The following DYM variants were observed in gnomAD, a reference collection of about 807,000 sequenced individuals.
DYM encodes dyggve-Melchior-Clausen syndrome protein.
A neutral mutation model predicts 93.1 loss-of-function variants in DYM; 78 were observed. The ratio of observed to expected loss-of-function variants is 0.84; its 90% confidence interval spans 0.70 to 1.01. DYM has a LOEUF of 1.01. Ranked by LOEUF, DYM falls within the 50% of genes least tolerant of loss-of-function variation. The pLI, the probability that DYM is intolerant of heterozygous loss-of-function variation, is 0.00. For missense variants in DYM, 789 were observed against 845.0 expected (o/e 0.93, Z 0.82); for synonymous variants, 321 against 319.7 (o/e 1.00, Z -0.04).
At chr18:49,050,206 C>T (rs1387179050) in intron 17 of DYM, among the ~76,000 whole-genome samples, 1 of 151,676 alleles carries the variant, frequency 6.6e-6, no homozygotes, top group African/African-American at 2.4e-5. Context: ...CCTGCCTCGG[C>T]CTCCCTAGTA....
intron 14 of DYM, among the ~76,000 whole-genome samples, chr18:49,192,545 A>G (rs1183510329): frequency 6.6e-6 from 1 of 152,118 alleles, no homozygotes; most frequent in South Asian, 2.1e-4. Context: ...TTCCTACTGT[A>G]TATTCTTGAT....
At chr18:49,368,105 A>G (rs971830471) in intron 5 of DYM, among the ~76,000 whole-genome samples, 4 of 152,222 alleles carry the variant, frequency 2.6e-5, no homozygotes, top group Admixed American at 6.5e-5. Context: ...AGTGCACTAC[A>G]GTATTTATAA....
chr18:49,380,542 C>G (rs749972954), intron 3 of DYM, among the ~76,000 whole-genome samples: 2 of 152,230 alleles, frequency 1.3e-5, no homozygotes, highest in Admixed American at 1.3e-4. Flanking sequence ...CGATCCTCAC[C>G]TGGAGGTTGT....
chr18:49,224,763 G>A lies in DYM; in HGVS notation c.1461-15048C>T, dbSNP rs550228670. On this transcript the variant is annotated intron_variant, in intron 13 of 17. Coordinates refer to ENST00000675505, the MANE Select transcript of DYM (RefSeq NM_001353214.3). ...CCAGATCTGTGGGAAGTAAATGTCT[G>A]TTGTTTATAAGCTACCCAGTATATG... Among the ~76,000 whole-genome samples the A allele has an allele frequency of 3.3e-5, 5 of 152,188 alleles. No individual in the cohort carries two copies. The South Asian group carries it at 1.0e-3, about 32-fold the overall frequency.
chr18:49,360,790 A>G (rs938656684), intron 6 of DYM, among the ~76,000 whole-genome samples: 2 of 152,226 alleles, frequency 1.3e-5, no homozygotes, highest in Non-Finnish European at 2.9e-5. Context: ...TAAGCAAGAT[A>G]GGTATCTATT....
intron 14 of DYM, among the ~76,000 whole-genome samples, chr18:49,194,986 G>C (rs1016385131): frequency 1.3e-5 from 2 of 152,074 alleles, no homozygotes; most frequent in Admixed American, 6.5e-5. Context: ...AGCTTGCTAG[G>C]ACTACTCTAT....
At chr18:49,218,281 C>G (rs1446408197) in intron 13 of DYM, among the ~76,000 whole-genome samples, 1 of 152,174 alleles carries the variant, frequency 6.6e-6, no homozygotes, top group African/African-American at 2.4e-5. Flanking sequence ...TACAAAGAGA[C>G]TTAGACTCCC....
chr18:49,170,939 A>T (rs975710752), intron 14 of DYM, among the ~76,000 whole-genome samples: 2 of 152,132 alleles, frequency 1.3e-5, no homozygotes, highest in Admixed American at 6.6e-5. Context: ...AGGAGGAAAT[A>T]ATCATCACTG....
intron 17 of DYM, among the ~76,000 whole-genome samples, chr18:49,044,652 C>A (rs2144079812): frequency 6.6e-6 from 1 of 152,222 alleles, no homozygotes; most frequent in East Asian, 1.9e-4. Context: ...AATCCTGAGC[C>A]CTGACCTGAA....
At chr18:49,386,062 G>A (rs546323098) in intron 3 of DYM, among the ~76,000 whole-genome samples, 15 of 152,090 alleles carry the variant, frequency 9.9e-5, no homozygotes, top group African/African-American at 2.2e-4. Flanking sequence ...TCTTCCTGCC[G>A]TGGCCTCCCA....
chr18:49,439,567 C>T (rs1386088316), intron 1 of DYM, among the ~76,000 whole-genome samples: 1 of 152,166 alleles, frequency 6.6e-6, no homozygotes, highest in Non-Finnish European at 1.5e-5. Flanking sequence ...AGAGAAATTA[C>T]TCAAAAAATA....
intron 8 of DYM, among the ~76,000 whole-genome samples, chr18:49,331,074 A>G (rs149923486): frequency 6.6e-6 from 1 of 151,604 alleles, no homozygotes; most frequent in Non-Finnish European, 1.5e-5. Flanking sequence ...AGAGCACGCC[A>G]CAGCCATAAT....
chr18:49,335,155 T>C (rs1466264508), intron 6 of DYM, among the ~76,000 whole-genome samples: 1 of 151,902 alleles, frequency 6.6e-6, no homozygotes, highest in Non-Finnish European at 1.5e-5. Flanking sequence ...AAAAATGACA[T>C]ATAAAAAAAG....
intron 17 of DYM, among the ~76,000 whole-genome samples, chr18:49,090,679 G>A (rs1289999571): frequency 1.3e-5 from 2 of 152,120 alleles, no homozygotes; most frequent in African/African-American, 2.4e-5. Flanking sequence ...CATAGAGCCT[G>A]ACAGGCCCTC....
At chr18:49,460,356 T>G (rs1355721976) in intron 1 of DYM, 42 bp downstream of exon 1, 1 of 151,984 alleles carries the variant, frequency 6.6e-6, no homozygotes, top group African/African-American at 2.4e-5. Flanking sequence ...CAGCCAGGCT[T>G]TCGGGCCCGG....
chr18:49,429,087 G>A (rs1568429810), intron 2 of DYM, among the ~76,000 whole-genome samples: 1 of 152,192 alleles, frequency 6.6e-6, no homozygotes, highest in East Asian at 1.9e-4. Context: ...TCTAGAAGCT[G>A]CTCATATTTC....
intron 17 of DYM, among the ~76,000 whole-genome samples, chr18:49,081,528 G>GCC: frequency 2.0e-4 from 1 of 5,108 alleles, no homozygotes; most frequent in South Asian, 0.016. Context: ...GAGGGAGAGG[G>GCC]GAGAGGGGAG....
chr18:49,181,821 GCTTT>G (rs1488633450), intron 14 of DYM, among the ~76,000 whole-genome samples: 1 of 151,898 alleles, frequency 6.6e-6, no homozygotes, highest in Non-Finnish European at 1.5e-5. Context: ...AGTGATTCCT[GCTTT>G]TTATTATTTT....
chr18:49,267,711 T>A (rs1456349139), intron 11 of DYM, among the ~76,000 whole-genome samples: 3 of 152,152 alleles, frequency 2.0e-5, no homozygotes, highest in Non-Finnish European at 4.4e-5. Context: ...CTGGCCAACA[T>A]GGTGAAACAT....
Sources: gnomAD v4.1 joint callset for allele counts (sites outside exome capture counted in the v4.1 genomes callset) on GRCh38, gnomAD v4.1.1 for gene constraint, MANE v1.5 for transcripts, NCBI Gene and HGNC (gene_info 2026-07-23, HGNC 2026-07-21) for gene names.